Variants in CASP6 observed in about 807,000 individuals in gnomAD.
CASP6 encodes caspase-6.
In CASP6, 20 loss-of-function variants were observed where a neutral mutation model predicts 31.8. The ratio of observed to expected loss-of-function variants is 0.63; its 90% CI spans 0.44 to 0.91. The LOEUF is 0.91. CASP6 is among the 40% of genes least tolerant of loss of function. CASP6 has a pLI of 0.00. For synonymous variants in CASP6, 130 were observed against 127.8 expected (o/e 1.02, Z -0.12); for missense variants, 328 against 361.1 (o/e 0.91, Z 0.74).
At chr4:109,708,184 G>A (rs754562111), upstream of CASP6, among the ~76,000 whole-genome samples, 4 of 152,146 alleles carry the variant, frequency 2.6e-5, no homozygotes, top group Non-Finnish European at 5.9e-5. Context: ...ATTAGAGTAC[G>A]AAATCAAAGA....
chr4:109,709,325 T>C, the CASP6 span, among the ~76,000 whole-genome samples: 1 of 152,152 alleles, frequency 6.6e-6, no homozygotes, highest in African/African-American at 2.4e-5. Context: ...ATGCTCATGT[T>C]TGAGAACCAC....
downstream of CASP6, among the ~76,000 whole-genome samples, chr4:109,686,540 C>T (rs1265206501): frequency 6.6e-6 from 1 of 152,092 alleles, no homozygotes; most frequent in Non-Finnish European, 1.5e-5. Flanking sequence ...TTGAATAATC[C>T]TATCTGAGAA....
In CASP6 at chr4:109,689,182, T is replaced by C. The variant is rs1729944770; in HGVS notation, c.*148A>G. On this transcript the variant is annotated 3_prime_UTR_variant, in exon 7 of 7. Transcript: ENST00000265164. ...TTTTAGTAGAGACGGGGCTTCTCCA[T>C]GTTGGTCAGGCTGGTCTCGAACTCC... 2 of 695,480 alleles carry C rather than the reference T, an allele frequency of 2.9e-6. No homozygotes were observed. Among genetic ancestry groups the C allele is most frequent in the East Asian group, 2.6e-5 (1 of 38,674 alleles). The allele number at this position is 695,480 out of a possible 1,614,324, so 43.1% of individuals were successfully genotyped here. A position where few individuals can be genotyped will look rare whatever the true frequency, so the allele number is the denominator to read the frequency against.
At chr4:109,687,818 G>A (rs1330060991), downstream of CASP6, 3 of 490,320 alleles carry the variant, frequency 6.1e-6, no homozygotes, top group East Asian at 7.3e-5. Flanking sequence ...AACGGTGGCT[G>A]CTGTTAGCTA....
chr4:109,674,497 C>A, the CASP6 span, among the ~76,000 whole-genome samples: 2 of 152,192 alleles, frequency 1.3e-5, no homozygotes, highest in East Asian at 3.8e-4. Flanking sequence ...GTATAAGAGT[C>A]CTATTTGCCC....
Position 109,703,400 on chromosome 4 carries a change from G to T in CASP6, c.-5C>A, listed in dbSNP as rs780234419. ...GAGCCCCGAGGCCGAGCTCATTGCA[G>T]CCAAACGCGCAGCCAGACACCTTGC... On this transcript the variant is annotated 5_prime_UTR_variant, in exon 1 of 7. In the 5' UTR this introduces an upstream ATG that the reference lacks. Coordinates refer to ENST00000265164, the MANE Select transcript of CASP6 (RefSeq NM_001226.4). 6.2e-7 allele frequency: 1 copy of T among 1,611,762 alleles called. No homozygotes were observed. The highest frequency in any genetic ancestry group is 8.5e-7 in the Non-Finnish European group (1 of 1,179,196).
the CASP6 span, chr4:109,682,827 C>T: frequency 2.0e-6 from 2 of 1,014,200 alleles, no homozygotes; most frequent in South Asian, 3.4e-5. Context: ...TTTCTGAATG[C>T]TTTCCATATG....
the CASP6 span, chr4:109,682,774 AAATAAT>A: frequency 1.3e-6 from 2 of 1,543,130 alleles, no homozygotes; most frequent in Non-Finnish European, 1.8e-6. Context: ...GTATATTTGA[AAATAAT>A]ACCTAGTGTT....
chr4:109,706,166 TATATACAC>T (rs1468298106), upstream of CASP6, among the ~76,000 whole-genome samples: 56 of 92,002 alleles, frequency 6.1e-4, 1 homozygote, highest in African/African-American at 3.4e-3. Context: ...TATATATATA[TATATACAC>T]ACACACATAT....
the CASP6 span, among the ~76,000 whole-genome samples, chr4:109,676,447 G>A: frequency 2.6e-5 from 4 of 152,176 alleles, no homozygotes; most frequent in African/African-American, 9.7e-5. Context: ...TATCTTACTG[G>A]AAGCTGGAAT....
At chr4:109,691,901 G>T (rs1459191434) in intron 5 of CASP6, 1 of 152,194 alleles carries the variant, frequency 6.6e-6, no homozygotes, top group Non-Finnish European at 1.5e-5. Flanking sequence ...GGCCTCAGAA[G>T]AAACCAATCC....
the CASP6 span, among the ~76,000 whole-genome samples, chr4:109,678,283 G>A: frequency 2.0e-5 from 3 of 151,552 alleles, no homozygotes; most frequent in Non-Finnish European, 2.9e-5. Context: ...TTTTCTATTC[G>A]ACAAAACCGC....
intron 4 of CASP6, among the ~76,000 whole-genome samples, chr4:109,695,362 A>G (rs1230720775): frequency 1.3e-5 from 2 of 152,232 alleles, no homozygotes; most frequent in Non-Finnish European, 2.9e-5. Context: ...CAATAAACTA[A>G]AAATTTCCTT....
chr4:109,689,619 C>CTG, intron 6 of CASP6, 51 bp from the exon 7 acceptor site: 1 of 1,487,756 alleles, frequency 6.7e-7, no homozygotes, highest in South Asian at 1.1e-5. Flanking sequence ...CTTTCAATTA[C>CTG]TGTGTGTATT....
At chr4:109,675,564 T>C in the CASP6 span, among the ~76,000 whole-genome samples, 1 of 152,208 alleles carries the variant, frequency 6.6e-6, no homozygotes, top group Non-Finnish European at 1.5e-5. Context: ...AGCCAAAACC[T>C]GGTGATAGGT....
At chr4:109,676,250 G>A in the CASP6 span, among the ~76,000 whole-genome samples, 13 of 152,106 alleles carry the variant, frequency 8.5e-5, no homozygotes, top group African/African-American at 3.1e-4. Flanking sequence ...TAGAAATATC[G>A]ATGGTAGGCT....
the CASP6 span, among the ~76,000 whole-genome samples, chr4:109,671,320 TTCTC>T: frequency 6.6e-6 from 1 of 152,224 alleles, no homozygotes; most frequent in African/African-American, 2.4e-5. Flanking sequence ...TGCTTTTCCC[TTCTC>T]TCTTTTTTCT....
chr4:109,681,445 C>T, the CASP6 span: 39 of 453,440 alleles, frequency 8.6e-5, no homozygotes, highest in Non-Finnish European at 1.5e-4. Flanking sequence ...AGAGTGTTAC[C>T]GGGGGTCCTT....
chr4:109,707,798 A>C (rs927675959), upstream of CASP6, among the ~76,000 whole-genome samples: 3 of 152,154 alleles, frequency 2.0e-5, no homozygotes, highest in Admixed American at 6.5e-5. Flanking sequence ...TGGGGAGAGC[A>C]TGTTGTCCTA....
Sources: gnomAD v4.1 joint callset for allele counts (sites outside exome capture counted in the v4.1 genomes callset) on GRCh38, gnomAD v4.1.1 for gene constraint, MANE v1.5 for transcripts, NCBI Gene and HGNC (gene_info 2026-07-23, HGNC 2026-07-21) for gene names.